The following DGKB variants were observed in gnomAD, a reference collection of about 807,000 sequenced individuals.
The protein encoded by DGKB is 90 kDa diacylglycerol kinase.
A neutral mutation model predicts 114.3 loss-of-function variants in DGKB; 67 were observed. The ratio of observed to expected loss-of-function variants is 0.59; its 90% CI spans 0.48 to 0.72. The LOEUF (loss-of-function observed/expected upper bound fraction) is 0.72, where lower values mean the gene tolerates loss of function less well. Among genes scored for constraint, DGKB ranks in the 30% least tolerant of loss-of-function variants. The pLI is 0.00. For synonymous variants in DGKB, 398 were observed against 323.1 expected, an observed-to-expected ratio of 1.23 and a Z score of -2.49; for missense variants, 907 against 975.2, an observed-to-expected ratio of 0.93 and a Z score of 0.93.
chr7:14,698,301 T>A (rs1358656490), intron 7 of DGKB, 132 bp from the exon 8 acceptor site: 1 of 530,812 alleles, frequency 1.9e-6, no homozygotes. Context: ...TATATATATG[T>A]ACATAATCCT....
chr7:14,482,249 A>T (rs548108476), intron 20 of DGKB, among the ~76,000 whole-genome samples: 1 of 152,046 alleles, frequency 6.6e-6, no homozygotes, highest in Non-Finnish European at 1.5e-5. Flanking sequence ...AATGTTAACT[A>T]TTACTATTAC....
chr7:14,671,718 T>TAG (rs1818995462), intron 13 of DGKB, among the ~76,000 whole-genome samples: 1 of 152,134 alleles, frequency 6.6e-6, no homozygotes, highest in Admixed American at 6.6e-5. Flanking sequence ...GATCTCATCT[T>TAG]AGAGTTAAAA....
At chr7:14,278,027 G>C (rs1799291587) in intron 23 of DGKB, among the ~76,000 whole-genome samples, 1 of 152,190 alleles carries the variant, frequency 6.6e-6, no homozygotes, top group Admixed American at 6.5e-5. Flanking sequence ...AGGTAATGCT[G>C]AGAATGTTCT....
At chr7:14,589,845 T>C (rs971666396) in intron 17 of DGKB, among the ~76,000 whole-genome samples, 4 of 152,070 alleles carry the variant, frequency 2.6e-5, no homozygotes, top group Admixed American at 2.6e-4. Flanking sequence ...AATTGACCTA[T>C]TTTTCTTCCT....
chr7:14,604,629 AATAGGGAGACCTT>A (rs1157768971), intron 17 of DGKB, among the ~76,000 whole-genome samples: 2 of 152,174 alleles, frequency 1.3e-5, no homozygotes, highest in African/African-American at 4.8e-5. Context: ...GTATCAGAGT[AATAGGGAGACCTT>A]ATGAAACAGA....
chr7:14,291,565 A>G (rs931565029), intron 23 of DGKB, among the ~76,000 whole-genome samples: 1 of 152,170 alleles, frequency 6.6e-6, no homozygotes, highest in African/African-American at 2.4e-5. Flanking sequence ...GGGAATCTAC[A>G]GTTTTTGAGG....
chr7:14,705,271 A>C (rs1260510914), intron 6 of DGKB, among the ~76,000 whole-genome samples: 1 of 150,824 alleles, frequency 6.6e-6, no homozygotes, highest in African/African-American at 2.4e-5. Context: ...TTAGAGAAAA[A>C]AGAATAAAAA....
Position 14,439,920 on chromosome 7 carries a change from A to G in DGKB, c.1835+38241T>C, listed in dbSNP as rs1222672298. 2.0e-5 allele frequency among the ~76,000 whole-genome samples: 3 copies of G among 151,752 alleles called. No individual in the cohort carries two copies. The East Asian group carries it at 5.8e-4, about 29-fold the overall frequency. On this transcript the variant is annotated intron_variant, in intron 21 of 25. Transcript: ENST00000402815. The stretch of plus-strand genomic sequence containing the variant: ...AATGTGGCAGACTGCCACAGTTACT[A>G]CTTGAGATTGTCACTACAACAGTTA...
At chr7:14,783,161 T>C (rs923046068) in intron 2 of DGKB, among the ~76,000 whole-genome samples, 8 of 152,308 alleles carry the variant, frequency 5.3e-5, no homozygotes, top group African/African-American at 9.6e-5. Context: ...AATAAACATA[T>C]AGTAACAAGA....
intron 20 of DGKB, among the ~76,000 whole-genome samples, chr7:14,490,047 T>A (rs1013858854): frequency 6.6e-4 from 100 of 152,280 alleles, no homozygotes; most frequent in African/African-American, 2.3e-3. Flanking sequence ...ACAGTATCGA[T>A]GCTGCACCAA....
At chr7:14,691,654 TAA>T (rs1563924385) in intron 9 of DGKB, among the ~76,000 whole-genome samples, 1 of 152,148 alleles carries the variant, frequency 6.6e-6, no homozygotes, top group Non-Finnish European at 1.5e-5. Flanking sequence ...TACATTTTAT[TAA>T]AAGACAGCTT....
At chr7:14,292,352 G>A (rs765258177) in intron 23 of DGKB, among the ~76,000 whole-genome samples, 3 of 152,098 alleles carry the variant, frequency 2.0e-5, no homozygotes, top group Non-Finnish European at 4.4e-5. Flanking sequence ...AGGTGAGGCT[G>A]CCTTTCTCAC....
chr7:14,333,181 G>A (rs1346707601), intron 23 of DGKB, among the ~76,000 whole-genome samples: 6 of 152,044 alleles, frequency 3.9e-5, no homozygotes, highest in East Asian at 3.9e-4. Context: ...GTGAGAGGCC[G>A]GGGGCAGTGG....
At chr7:14,231,109 TTCTTTCTTTCTTTCTTTC>T (rs1191363176) in intron 23 of DGKB, among the ~76,000 whole-genome samples, 17 of 126,810 alleles carry the variant, frequency 1.3e-4, no homozygotes, top group African/African-American at 2.5e-4. Context: ...CTTTCTTTCT[TTCTTTCTTTCTTTCTTTC>T]TTTCTTTCTT....
chr7:14,697,703 GA>G (rs1367466778), intron 8 of DGKB, among the ~76,000 whole-genome samples: 3 of 139,848 alleles, frequency 2.1e-5, no homozygotes, highest in Non-Finnish European at 4.6e-5. Context: ...AGGAAGGAAG[GA>G]AGGAAAGAAA....
chr7:14,233,578 A>G (rs1304927659), intron 23 of DGKB, among the ~76,000 whole-genome samples: 1 of 152,094 alleles, frequency 6.6e-6, no homozygotes, highest in Admixed American at 6.6e-5. Context: ...AGGAAGGTTG[A>G]TAAAGCAGGA....
intron 13 of DGKB, among the ~76,000 whole-genome samples, chr7:14,653,319 G>T (rs1421066128): frequency 6.6e-6 from 1 of 151,968 alleles, no homozygotes. Context: ...GGAATACTAT[G>T]CAGCCATAAA....
At chr7:14,647,769 G>A (rs971826020) in intron 13 of DGKB, among the ~76,000 whole-genome samples, 8 of 152,202 alleles carry the variant, frequency 5.3e-5, no homozygotes, top group African/African-American at 1.9e-4. Context: ...GACAGTGGGC[G>A]CAGGTCAGTG....
intron 13 of DGKB, among the ~76,000 whole-genome samples, chr7:14,635,739 G>C (rs1186724732): frequency 6.6e-6 from 1 of 151,526 alleles, no homozygotes; most frequent in Non-Finnish European, 1.5e-5. Flanking sequence ...TCTGAGGGAA[G>C]TTGGTAACTT....
Sources: allele counts gnomAD v4.1 joint callset (sites outside exome capture counted in the v4.1 genomes callset), GRCh38; gene constraint gnomAD v4.1.1; transcripts MANE v1.5; gene names NCBI Gene and HGNC (gene_info 2026-07-23, HGNC 2026-07-21).